Variants in EXOC6 observed in about 807,000 individuals in gnomAD.
EXOC6 encodes exocyst complex component 6, also known as SEC15-like 1.
In EXOC6, 60 loss-of-function variants were observed where a neutral mutation model predicts 112.5. The ratio of observed to expected loss-of-function variants is 0.53; its 90% CI spans 0.43 to 0.66. The LOEUF (loss-of-function observed/expected upper bound fraction) is 0.66, where lower values mean the gene tolerates loss of function less well. Among genes scored for constraint, EXOC6 ranks in the 30% least tolerant of loss-of-function variants. The probability of loss-of-function intolerance (pLI) is 0.00; values close to 1 mark genes in which losing one functional copy is unlikely to be tolerated. For synonymous variants in EXOC6, 295 were observed against 308.0 expected (o/e 0.96, Z 0.44); for missense variants, 855 against 957.1 (o/e 0.89, Z 1.41).
chr10:92,848,569 C>T lies in EXOC6; in HGVS notation c.36C>T (p.Pro12=), dbSNP rs773031817. 11 of 1,451,612 alleles carry T rather than the reference C, an allele frequency of 7.6e-6. No individual in the cohort carries two copies. Among genetic ancestry groups the T allele is most frequent in the Non-Finnish European group, 1.0e-5 (11 of 1,084,958 alleles). 89.9% of individuals were successfully genotyped at this position (1,451,612 alleles called of 1,614,324 possible). A position where few individuals can be genotyped will look rare whatever the true frequency, so the allele number is the denominator to read the frequency against. ...ACAGCGAGAGTCTGGGCACCGTCCC[C>T]GAGCACGAGCGGATCTTGCAGGAGA... ...AENSESLGTV[P]EHERILQEIE... The change falls in exon 1 of 22, where the codon CCC becomes CCT. Residue 12 remains proline (P), a synonymous_variant. Transcript: ENST00000260762.
At chr10:92,993,157 CCTTTTTT>C (rs1463086284) in intron 18 of EXOC6, among the ~76,000 whole-genome samples, 2 of 152,042 alleles carry the variant, frequency 1.3e-5, no homozygotes, top group Non-Finnish European at 2.9e-5. Flanking sequence ...TTTCGTTTTT[CCTTTTTT>C]CTTTGACAAG....
rs115548361 is a variant in EXOC6 at position 92,886,749 on chromosome 10, G to T, written c.102-6600G>T. ...TGTAATGATTAACATAGTTAAGCCA[G>T]AAGTATGTCTGGAATAGCAAATGGT... is the stretch of plus-strand genomic sequence containing the variant. On this transcript the variant is annotated intron_variant, in intron 1 of 21. Coordinates refer to ENST00000260762, the MANE Select transcript of EXOC6 (RefSeq NM_019053.6). Among the ~76,000 whole-genome samples the T allele has an allele frequency of 7.3e-3, 1,108 of 152,306 alleles. 16 individuals carry two copies. Among genetic ancestry groups the T allele is most frequent in the African/African-American group, 0.026 (1,065 of 41,578 alleles).
chr10:92,848,444 G>A (rs1443479801), upstream of EXOC6: 48 of 295,444 alleles, frequency 1.6e-4, no homozygotes, highest in Non-Finnish European at 2.3e-4. Context: ...CCCCGCCCCC[G>A]CCCCGCCCCT....
At chr10:92,897,717 A>C (rs1849903286) in intron 4 of EXOC6, among the ~76,000 whole-genome samples, 1 of 152,158 alleles carries the variant, frequency 6.6e-6, no homozygotes, top group East Asian at 1.9e-4. Flanking sequence ...ATGCAGATTC[A>C]CTGGGCCAGA....
upstream of EXOC6, chr10:92,848,479 G>A: frequency 2.5e-6 from 3 of 1,186,446 alleles, no homozygotes; most frequent in Non-Finnish European, 3.2e-6. Context: ...CTTGGAGCTC[G>A]CCCCCGTCGT....
intron 17 of EXOC6, among the ~76,000 whole-genome samples, chr10:92,969,364 C>T (rs1842193927): frequency 6.6e-6 from 1 of 152,136 alleles, no homozygotes. Flanking sequence ...AGTCTTATTG[C>T]CAGCCTTCAA....
intron 20 of EXOC6, among the ~76,000 whole-genome samples, chr10:93,017,287 G>A (rs944832167): frequency 2.6e-5 from 4 of 151,886 alleles, no homozygotes; most frequent in African/African-American, 9.7e-5. Context: ...GAAGGGATGA[G>A]AGATAAAAAC....
At chr10:92,942,477 T>G (rs1852720713) in intron 13 of EXOC6, among the ~76,000 whole-genome samples, 1 of 152,128 alleles carries the variant, frequency 6.6e-6, no homozygotes, top group Non-Finnish European at 1.5e-5. Flanking sequence ...TTATTTGAGT[T>G]TTTGGTATTT....
chr10:92,932,654 A>G (rs944991849), intron 9 of EXOC6, among the ~76,000 whole-genome samples: 1 of 152,178 alleles, frequency 6.6e-6, no homozygotes, highest in South Asian at 2.1e-4. Flanking sequence ...GGCCACTAAG[A>G]CACGCTTACT....
chr10:92,895,777 G>C (rs1174707124), intron 4 of EXOC6, among the ~76,000 whole-genome samples: 1 of 149,934 alleles, frequency 6.7e-6, no homozygotes, highest in East Asian at 2.0e-4. Context: ...ATAGCTCACT[G>C]CAGCCTTGAA....
At chr10:92,917,555 G>A (rs1344755038) in intron 7 of EXOC6, among the ~76,000 whole-genome samples, 2 of 147,562 alleles carry the variant, frequency 1.4e-5, no homozygotes, top group Non-Finnish European at 3.0e-5. Flanking sequence ...TTAGAGATAG[G>A]GCTCACTGTG....
intron 20 of EXOC6, among the ~76,000 whole-genome samples, chr10:93,052,178 A>G (rs1204909308): frequency 6.6e-6 from 1 of 152,238 alleles, no homozygotes; most frequent in Non-Finnish European, 1.5e-5. Context: ...CTGTGGGTTC[A>G]CTTTTAAAAA....
At chr10:92,920,518 A>G (rs2133908828) in intron 8 of EXOC6, among the ~76,000 whole-genome samples, 1 of 152,234 alleles carries the variant, frequency 6.6e-6, no homozygotes, top group South Asian at 2.1e-4. Context: ...AGAAATACCC[A>G]TTACCCACCC....
At chr10:92,856,501 A>G (rs919660749) in intron 1 of EXOC6, among the ~76,000 whole-genome samples, 2 of 152,140 alleles carry the variant, frequency 1.3e-5, no homozygotes, top group East Asian at 3.8e-4. Flanking sequence ...GAATTTCTAA[A>G]ATGTCCTTCT....
intron 4 of EXOC6, among the ~76,000 whole-genome samples, chr10:92,896,192 T>A (rs34092723): frequency 1.9e-3 from 33 of 17,168 alleles, no homozygotes; most frequent in African/African-American, 2.4e-3. Flanking sequence ...TTTTTTTTTT[T>A]TTTTTTTTTT....
At chr10:93,007,861 C>A (rs1438165045) in intron 19 of EXOC6, among the ~76,000 whole-genome samples, 2 of 152,156 alleles carry the variant, frequency 1.3e-5, no homozygotes, top group African/African-American at 2.4e-5. Flanking sequence ...ACCTCCTTCT[C>A]TAATCTAAGA....
In EXOC6 at chr10:92,952,434, A is replaced by G; in HGVS notation, c.1526+52A>G. The G allele has an allele frequency of 6.3e-6, 7 of 1,117,096 alleles. No homozygotes were observed. The South Asian group carries it at 7.9e-5, about 13-fold the overall frequency. 69.2% of individuals were successfully genotyped at this position (1,117,096 alleles called of 1,614,324 possible). ...TTTGTCATAACTTTTATGAAACATT[A>G]ATACTTTATTTTTATGCCATAACTT... On this transcript the variant is annotated intron_variant, in intron 15 of 21. Transcript: ENST00000260762.
chr10:92,929,084 C>T (rs1851878861), intron 9 of EXOC6, among the ~76,000 whole-genome samples: 1 of 152,194 alleles, frequency 6.6e-6, no homozygotes, highest in Non-Finnish European at 1.5e-5. Context: ...GAGGGCTAAG[C>T]CCAGAGCCCA....
chr10:92,958,499 T>G (rs560764034), intron 17 of EXOC6, among the ~76,000 whole-genome samples: 1 of 152,338 alleles, frequency 6.6e-6, no homozygotes, highest in African/African-American at 2.4e-5. Flanking sequence ...TTTGTTTTTG[T>G]CTGCTAATGA....
Sources: gnomAD v4.1 joint callset for allele counts (sites outside exome capture counted in the v4.1 genomes callset) on GRCh38, gnomAD v4.1.1 for gene constraint, MANE v1.5 for transcripts, NCBI Gene and HGNC (gene_info 2026-07-23, HGNC 2026-07-21) for gene names.